RTF2: variants seen among roughly 807,000 people sequenced by gnomAD.
RTF2 encodes UPF0549 protein C20orf43.
Under a neutral mutation model 38.0 loss-of-function variants are expected in RTF2, and 18 were observed. The observed-to-expected ratio is 0.47, with a 90% CI of 0.33 to 0.70. The LOEUF is 0.70. Among genes scored for constraint, RTF2 ranks in the 30% least tolerant of loss-of-function variants. The pLI is 0.02. For missense variants in RTF2, 311 were observed against 379.6 expected, an observed-to-expected ratio of 0.82 and a Z score of 1.50; for synonymous variants, 126 against 137.1, an observed-to-expected ratio of 0.92 and a Z score of 0.57.
chr20:56,485,974 G>A (rs1982774543), intron 5 of RTF2, among the ~76,000 whole-genome samples: 1 of 152,166 alleles, frequency 6.6e-6, no homozygotes, highest in Non-Finnish European at 1.5e-5. Flanking sequence ...TTTATAAAGG[G>A]AGGGGCATTT....
chr20:56,491,757 A>G, intron 5 of RTF2: 1 of 1,551,944 alleles, frequency 6.4e-7, no homozygotes, highest in Non-Finnish European at 8.7e-7. Flanking sequence ...CCTGGTCCGT[A>G]TACGCAGATG....
At chr20:56,489,624 C>T (rs1436292242) in intron 5 of RTF2, among the ~76,000 whole-genome samples, 1 of 152,212 alleles carries the variant, frequency 6.6e-6, no homozygotes, top group East Asian at 1.9e-4. Flanking sequence ...CTTCTGAGCA[C>T]TTCCCCACCC....
chr20:56,482,225 C>T (rs527828589), intron 4 of RTF2, among the ~76,000 whole-genome samples: 8 of 152,274 alleles, frequency 5.3e-5, no homozygotes, highest in African/African-American at 1.4e-4. Flanking sequence ...CCTGTGGATA[C>T]CAAAATCCAT....
intron 3 of RTF2, among the ~76,000 whole-genome samples, chr20:56,475,922 A>G (rs924944639): frequency 1.3e-5 from 2 of 152,250 alleles, no homozygotes; most frequent in Non-Finnish European, 2.9e-5. Context: ...ATTACCGTCA[A>G]TTGATAGTCC....
chr20:56,478,203 C>T (rs779738674), intron 4 of RTF2, among the ~76,000 whole-genome samples: 54 of 152,274 alleles, frequency 3.5e-4, no homozygotes, highest in Admixed American at 6.5e-4. Flanking sequence ...TAAAAGTTGC[C>T]TTTAGCAGCT....
chr20:56,492,348 G>A (rs1983210392), intron 5 of RTF2, among the ~76,000 whole-genome samples: 1 of 150,700 alleles, frequency 6.6e-6, no homozygotes. Flanking sequence ...AAAGTGCTGG[G>A]ATTACAGGTG....
intron 5 of RTF2, among the ~76,000 whole-genome samples, chr20:56,490,669 T>C (rs1983065794): frequency 6.6e-6 from 1 of 152,202 alleles, no homozygotes; most frequent in South Asian, 2.1e-4. Flanking sequence ...ACAAAAAAAT[T>C]AGCCAGGCGT....
intron 5 of RTF2, among the ~76,000 whole-genome samples, chr20:56,499,583 A>G (rs557113160): frequency 2.0e-5 from 3 of 152,318 alleles, no homozygotes; most frequent in Non-Finnish European, 2.9e-5. Context: ...GGAAAGAAAA[A>G]TGTTCTTGAA....
chr20:56,512,103 T>A (rs1447912731), intron 5 of RTF2, among the ~76,000 whole-genome samples: 1 of 152,032 alleles, frequency 6.6e-6, no homozygotes, highest in Non-Finnish European at 1.5e-5. Context: ...CACCTCGACC[T>A]CCCAAAGTGC....
At chr20:56,496,802 T>C (rs1352129387) in intron 5 of RTF2, 19 of 1,551,784 alleles carry the variant, frequency 1.2e-5, no homozygotes, top group Non-Finnish European at 1.7e-5. Context: ...AGTTATGGGG[T>C]GGTTTGTCTT....
intron 5 of RTF2, 137 bp from the exon 6 acceptor site, chr20:56,513,178 G>T: frequency 8.1e-7 from 1 of 1,236,338 alleles, no homozygotes. Context: ...CCAAACCAAG[G>T]CTTTGACCAG....
At chr20:56,499,611 TA>T (rs543860891) in intron 5 of RTF2, among the ~76,000 whole-genome samples, 34 of 152,364 alleles carry the variant, frequency 2.2e-4, no homozygotes, top group Admixed American at 2.2e-3. Flanking sequence ...TAAAGCTTTT[TA>T]CTACTTCTCC....
Position 56,517,537 on chromosome 20 carries a change from G to A in RTF2, c.742+336G>A, listed in dbSNP as rs565564099. On this transcript the variant is annotated intron_variant, in intron 8 of 8. Transcript: ENST00000357348. ...AGATGGACTGTGGCTCAGGGCCTGC[G>A]GGGAATGCCCCCAGTTTCTTTACTC... 4.6e-5 allele frequency among the ~76,000 whole-genome samples: 7 copies of A among 152,222 alleles called. No homozygotes were observed. The South Asian group carries it at 1.0e-3, about 23-fold the overall frequency.
chr20:56,480,282 C>T (rs1464466763), intron 4 of RTF2, among the ~76,000 whole-genome samples: 1 of 152,184 alleles, frequency 6.6e-6, no homozygotes, highest in African/African-American at 2.4e-5. Context: ...TTTCCCTAAA[C>T]CTCATGAACC....
In RTF2 at chr20:56,518,371, G is replaced by T; in HGVS notation, c.*106G>T. 1 of 1,180,262 alleles carries T rather than the reference G, an allele frequency of 8.5e-7. No individual in the cohort carries two copies. The highest frequency in any genetic ancestry group is 1.2e-6 in the Non-Finnish European group (1 of 841,716). The allele number at this position is 1,180,262 out of a possible 1,614,324, so 73.1% of individuals were successfully genotyped here. A position where few individuals can be genotyped will look rare whatever the true frequency, so the allele number is the denominator to read the frequency against. ...TGCTGTGTGTTCTCTCTATAGTTCTGTGTCATAAAGCTGTCCTGGCCAGCC... is the reference window on the plus strand; with the variant it reads ...TGCTGTGTGTTCTCTCTATAGTTCTTTGTCATAAAGCTGTCCTGGCCAGCC... On this transcript the variant is annotated 3_prime_UTR_variant, in exon 9 of 9. Coordinates refer to ENST00000357348, the MANE Select transcript of RTF2 (RefSeq NM_016407.5).
intron 5 of RTF2, among the ~76,000 whole-genome samples, chr20:56,512,978 A>C (rs1984781151): frequency 6.6e-6 from 1 of 152,184 alleles, no homozygotes; most frequent in Non-Finnish European, 1.5e-5. Context: ...ATAAGCAGGT[A>C]GGTGTCAGCA....
intron 5 of RTF2, among the ~76,000 whole-genome samples, chr20:56,509,117 A>G (rs992486384): frequency 6.6e-6 from 1 of 152,240 alleles, no homozygotes; most frequent in African/African-American, 2.4e-5. Flanking sequence ...AATATGCTGT[A>G]TAAAGACCTC....
At chr20:56,481,915 T>C (rs1045256783) in intron 4 of RTF2, among the ~76,000 whole-genome samples, 23 of 152,178 alleles carry the variant, frequency 1.5e-4, no homozygotes, top group African/African-American at 5.3e-4. Context: ...GGCTTCCCAC[T>C]TGCTTTTAAG....
chr20:56,491,500 G>A, intron 5 of RTF2: 8 of 1,083,580 alleles, frequency 7.4e-6, no homozygotes, highest in South Asian at 1.4e-5. Flanking sequence ...TTGGTTCAAT[G>A]TTCTCTTGTT....
Sources: gnomAD v4.1 joint callset for allele counts (sites outside exome capture counted in the v4.1 genomes callset) on GRCh38, gnomAD v4.1.1 for gene constraint, MANE v1.5 for transcripts, NCBI Gene and HGNC (gene_info 2026-07-23, HGNC 2026-07-21) for gene names.